Variants in ACER3 observed in about 807,000 individuals in gnomAD.
The protein encoded by ACER3 is alkCDase 3.
ACER3 carries 16 observed loss-of-function variants against 48.9 expected under a neutral mutation model. The ratio of observed to expected loss-of-function variants is 0.33; its 90% CI spans 0.22 to 0.50. ACER3 has a LOEUF of 0.50. ACER3 is among the 20% of genes least tolerant of loss of function. The pLI is 0.98. For synonymous variants in ACER3, 109 were observed against 107.8 expected (o/e 1.01, Z -0.07); for missense variants, 227 against 326.0 (o/e 0.70, Z 2.34).
At chr11:77,009,238 A>G (rs945109559) in intron 7 of ACER3, among the ~76,000 whole-genome samples, 5 of 152,232 alleles carry the variant, frequency 3.3e-5, no homozygotes, top group Non-Finnish European at 7.3e-5. Context: ...GAAGCTTACA[A>G]TCATGGCGGA....
At chr11:77,007,861 C>T (rs1490607766) in intron 7 of ACER3, among the ~76,000 whole-genome samples, 3 of 151,998 alleles carry the variant, frequency 2.0e-5, no homozygotes, top group African/African-American at 7.3e-5. Context: ...TTGCATGAGT[C>T]GGAAATCTAT....
At chr11:76,995,902 G>A (rs148528078) in intron 6 of ACER3, among the ~76,000 whole-genome samples, 1 of 152,136 alleles carries the variant, frequency 6.6e-6, no homozygotes, top group East Asian at 1.9e-4. Context: ...TATGCTGACA[G>A]TTCTGTTTCT....
intron 4 of ACER3, among the ~76,000 whole-genome samples, chr11:76,984,697 G>A (rs1017845244): frequency 6.6e-6 from 1 of 152,200 alleles, no homozygotes; most frequent in East Asian, 1.9e-4. Context: ...TCACAGGCTA[G>A]TTGAGGAGAT....
chr11:77,009,512 T>C (rs1236782410), intron 7 of ACER3, among the ~76,000 whole-genome samples: 1 of 152,074 alleles, frequency 6.6e-6, no homozygotes, highest in Non-Finnish European at 1.5e-5. Flanking sequence ...AATGAGTACT[T>C]AGATCATGGT....
At chr11:77,011,387 T>G (rs1338270851) in intron 7 of ACER3, 1 of 985,398 alleles carries the variant, frequency 1.0e-6, no homozygotes, top group Non-Finnish European at 1.2e-6. Context: ...TAAGTAAGTT[T>G]AGAAGCAGAA....
intron 3 of ACER3, among the ~76,000 whole-genome samples, chr11:76,963,325 T>G (rs1948049891): frequency 8.3e-6 from 1 of 120,306 alleles, no homozygotes; most frequent in African/African-American, 2.7e-5. Context: ...ATAGATAAGT[T>G]TCTCAAACAC....
intron 7 of ACER3, among the ~76,000 whole-genome samples, chr11:77,004,313 C>G (rs1555020439): frequency 6.6e-6 from 1 of 152,206 alleles, no homozygotes; most frequent in African/African-American, 2.4e-5. Context: ...CAAAGACACT[C>G]TTATTGGGCA....
intron 1 of ACER3, among the ~76,000 whole-genome samples, chr11:76,878,223 T>C (rs1169981958): frequency 1.3e-5 from 2 of 152,052 alleles, no homozygotes; most frequent in Non-Finnish European, 1.5e-5. Context: ...CATGCTCATA[T>C]TCAACTTTAA....
chr11:77,016,725 A>G lies in ACER3; in HGVS notation c.650A>G (p.His217Arg), dbSNP rs1555023427. The G allele has an allele frequency of 1.2e-6, 2 of 1,605,024 alleles. No homozygotes were observed. The change falls in exon 9 of 11, where the codon CAT (histidine) becomes CGT (arginine). Residue 217 changes from histidine (H) to arginine (R), a missense_variant. Physicochemically the swap from His to Arg is conservative, Grantham distance 29 (BLOSUM62 0). This residue lies in a region of ACER3 where 195 missense variants were observed against 290.8 expected (regional missense o/e 0.67). Coordinates refer to ENST00000532485, the MANE Select transcript of ACER3 (RefSeq NM_018367.7). Reference sequence around the variant, plus strand: ...ATCATAGGTATTACCACACAATTTCATGCATGGTGGCATATTTTAACTGGC... The same window carrying G: ...ATCATAGGTATTACCACACAATTTCGTGCATGGTGGCATATTTTAACTGGC... ...PPIIGITTQF[H>R]AWWHILTGLG...
chr11:76,955,296 A>G (rs891638963), intron 2 of ACER3: 1 of 152,254 alleles, frequency 6.6e-6, no homozygotes. Flanking sequence ...AAACTTGTAT[A>G]TGAGTGTTCA....
At chr11:76,998,583 T>C (rs1663341896) in intron 6 of ACER3, 180 bp from the exon 7 acceptor site, 6 of 515,470 alleles carry the variant, frequency 1.2e-5, no homozygotes, top group Non-Finnish European at 2.0e-5. Context: ...CTCTTAACTT[T>C]TCCTCAGAAG....
intron 4 of ACER3, 146 bp from the exon 5 acceptor site, chr11:76,985,497 T>C: frequency 3.6e-6 from 2 of 552,182 alleles, no homozygotes; most frequent in South Asian, 2.6e-5. Flanking sequence ...TAGAGGATAA[T>C]AGGCAGTGCA....
intron 1 of ACER3, among the ~76,000 whole-genome samples, chr11:76,893,360 AC>A (rs1192082753): frequency 6.6e-6 from 1 of 152,148 alleles, no homozygotes; most frequent in Admixed American, 6.5e-5. Context: ...ACCAAGCAAG[AC>A]CCCATCTCTA....
chr11:76,868,355 CAA>C (rs1479448973), intron 1 of ACER3: 2 of 1,118,012 alleles, frequency 1.8e-6, no homozygotes, highest in Non-Finnish European at 2.3e-6. Context: ...ATTGAGTGTA[CAA>C]AAGAGTTTAG....
Position 76,878,472 on chromosome 11 carries a change from G to A in ACER3, c.103+17393G>A, listed in dbSNP as rs559366062. On this transcript the variant is annotated intron_variant, in intron 1 of 10. Transcript: ENST00000532485. The stretch of plus-strand genomic sequence containing the variant: ...ATCTTTATTAATCCATTTAAGATTC[G>A]TATTTTTGAGAAATGAGATTTTTCT... Among the ~76,000 whole-genome samples the A allele has an allele frequency of 3.9e-5, 6 of 152,030 alleles. 1 individual carries two copies. Among genetic ancestry groups the A allele is most frequent in the South Asian group, 2.1e-4 (1 of 4,808 alleles).
In ACER3 at chr11:77,019,319, C is replaced by T. The variant is rs554615297; in HGVS notation, c.705-412C>T. Among the ~76,000 whole-genome samples, 8 of 152,146 alleles carry T rather than the reference C, an allele frequency of 5.3e-5. No individual in the cohort carries two copies. The East Asian group carries it at 5.8e-4, about 11-fold the overall frequency. On this transcript the variant is annotated intron_variant, in intron 9 of 10. Transcript: ENST00000532485. ...ATTAAAAATACAAAAATTATCTGGG[C>T]GTTGTGGCAGGCGCCTGTAATCCCA... is the stretch of plus-strand genomic sequence containing the variant.
At chr11:76,934,922 C>G (rs1947134065) in intron 2 of ACER3, among the ~76,000 whole-genome samples, 1 of 152,156 alleles carries the variant, frequency 6.6e-6, no homozygotes, top group South Asian at 2.1e-4. Flanking sequence ...AGAATTTCTT[C>G]TCCACAACAA....
intron 1 of ACER3, among the ~76,000 whole-genome samples, chr11:76,917,512 G>A (rs1385848635): frequency 2.6e-5 from 4 of 151,720 alleles, no homozygotes; most frequent in African/African-American, 7.3e-5. Context: ...TTAGGGGTTC[G>A]AGACCAGCCT....
intron 1 of ACER3, among the ~76,000 whole-genome samples, chr11:76,919,206 A>G (rs1421752567): frequency 1.3e-5 from 2 of 152,212 alleles, no homozygotes; most frequent in Non-Finnish European, 2.9e-5. Flanking sequence ...TTGTTTATCC[A>G]GTCACCTCAG....
Sources: allele counts gnomAD v4.1 joint callset (sites outside exome capture counted in the v4.1 genomes callset), GRCh38; gene constraint gnomAD v4.1.1; regional missense constraint gnomAD v4.1.1; transcripts MANE v1.5; gene names NCBI Gene and HGNC (gene_info 2026-07-23, HGNC 2026-07-21).